ASTN2: variants seen among roughly 807,000 people sequenced by gnomAD.
ASTN2 encodes astrotactin-2.
In ASTN2, 54 loss-of-function variants were observed where a neutral mutation model predicts 139.8. The ratio of observed to expected loss-of-function variants is 0.39; its 90% CI spans 0.31 to 0.48. ASTN2 has a LOEUF of 0.48. Ranked by LOEUF, ASTN2 falls within the 20% of genes least tolerant of loss-of-function variation. The pLI is 0.95. For missense variants in ASTN2, 1,565 were observed against 1,725.1 expected (o/e 0.91, Z 1.64); for synonymous variants, 756 against 719.5 (o/e 1.05, Z -0.81).
At chr9:116,686,589 C>A in intron 16 of ASTN2, 1 of 1,139,082 alleles carries the variant, frequency 8.8e-7, no homozygotes, top group Non-Finnish European at 1.3e-6. Flanking sequence ...TTGCCAGATG[C>A]CTAGTGCCCC....
intron 14 of ASTN2, 139 bp from the exon 15 acceptor site, chr9:116,729,235 A>G (rs1828714251): frequency 7.8e-6 from 5 of 645,044 alleles, no homozygotes; most frequent in Non-Finnish European, 1.3e-5. Flanking sequence ...AATTTTATGA[A>G]CCCCACCCTC....
intron 13 of ASTN2, among the ~76,000 whole-genome samples, chr9:116,736,746 A>C (rs1205117443): frequency 6.6e-6 from 1 of 152,234 alleles, no homozygotes; most frequent in Non-Finnish European, 1.5e-5. Flanking sequence ...TCTGAAGGCA[A>C]ATCTATCATT....
At chr9:117,259,493 T>C (rs1218820252) in intron 2 of ASTN2, among the ~76,000 whole-genome samples, 4 of 152,142 alleles carry the variant, frequency 2.6e-5, no homozygotes, top group African/African-American at 9.7e-5. Flanking sequence ...GCACAGACCA[T>C]AGATCTAATA....
At chr9:116,475,376 G>T (rs1848945258) in intron 20 of ASTN2, among the ~76,000 whole-genome samples, 1 of 152,060 alleles carries the variant, frequency 6.6e-6, no homozygotes, top group South Asian at 2.1e-4. Context: ...ATGGCTTAGA[G>T]TTTGCCTCAT....
chr9:116,713,351 G>C (rs1828221786), intron 16 of ASTN2, among the ~76,000 whole-genome samples: 1 of 152,086 alleles, frequency 6.6e-6, no homozygotes, highest in African/African-American at 2.4e-5. Context: ...AAAGCCTGGG[G>C]CCTAGGGCTG....
intron 2 of ASTN2, among the ~76,000 whole-genome samples, chr9:117,270,071 C>T (rs1159798571): frequency 6.6e-6 from 1 of 152,088 alleles, no homozygotes; most frequent in African/African-American, 2.4e-5. Context: ...CCAAATTTGT[C>T]CACCTTTTAT....
intron 3 of ASTN2, among the ~76,000 whole-genome samples, chr9:117,156,592 C>A (rs1830438095): frequency 6.6e-6 from 1 of 151,970 alleles, no homozygotes; most frequent in African/African-American, 2.4e-5. Context: ...AAGGTAACAA[C>A]TATTATTTTA....
intron 2 of ASTN2, among the ~76,000 whole-genome samples, chr9:117,287,848 G>A (rs561071690): frequency 6.6e-6 from 1 of 152,246 alleles, no homozygotes; most frequent in South Asian, 2.1e-4. Flanking sequence ...TGGGTATTAG[G>A]CACCATTGTA....
chr9:116,686,040 C>T (rs1466782192), intron 16 of ASTN2, among the ~76,000 whole-genome samples: 1 of 152,148 alleles, frequency 6.6e-6, no homozygotes, highest in Non-Finnish European at 1.5e-5. Context: ...TTACCTCTCC[C>T]TTATCCCCTA....
At chr9:117,227,242 G>A (rs1832744618) in intron 2 of ASTN2, among the ~76,000 whole-genome samples, 1 of 152,164 alleles carries the variant, frequency 6.6e-6, no homozygotes. Context: ...TCCATCACCA[G>A]ATCTCTATTT....
intron 4 of ASTN2, among the ~76,000 whole-genome samples, chr9:117,119,986 T>TTGTGTGTGTGTG (rs1321670412): frequency 1.5e-4 from 12 of 79,904 alleles, no homozygotes; most frequent in Non-Finnish European, 2.2e-4. Context: ...CTCTATATAT[T>TTGTGTGTGTGTG]TGTATGTGTG....
chr9:117,124,147 C>T (rs528468192), intron 4 of ASTN2, among the ~76,000 whole-genome samples: 5 of 152,154 alleles, frequency 3.3e-5, no homozygotes, highest in African/African-American at 7.2e-5. Context: ...AGGCTTCTTC[C>T]AGCTTAGCTA....
chr9:116,581,076 A>G (rs1853930657), intron 19 of ASTN2, among the ~76,000 whole-genome samples: 1 of 152,106 alleles, frequency 6.6e-6, no homozygotes, highest in Non-Finnish European at 1.5e-5. Flanking sequence ...AATGAGCCTT[A>G]GTGTTCTCAG....
intron 2 of ASTN2, among the ~76,000 whole-genome samples, chr9:117,218,390 G>A (rs1832403488): frequency 6.6e-6 from 1 of 152,184 alleles, no homozygotes; most frequent in Non-Finnish European, 1.5e-5. Context: ...TGACCACGTG[G>A]TTTCCGTTAC....
chr9:117,260,300 G>T (rs375178271), intron 2 of ASTN2, among the ~76,000 whole-genome samples: 7 of 152,060 alleles, frequency 4.6e-5, no homozygotes, highest in Non-Finnish European at 8.8e-5. Flanking sequence ...AGGGCAAAAG[G>T]GTTATTATTA....
rs1410011173 is a variant in ASTN2, at chr9:116,933,978, CCTTT to C, written c.1889+41226_1889+41229del. ...GACCTCAGTTGTGCGAAGTGTTAGT[CCTTT>C]TTTTTTTTTTTTTTTTTTTTCTGGA... is the stretch of plus-strand genomic sequence containing the variant. On this transcript the variant is annotated intron_variant, in intron 10 of 22. Coordinates refer to ENST00000313400, the MANE Select transcript of ASTN2 (RefSeq NM_001365068.1). Among the ~76,000 whole-genome samples, 14 of 30,752 alleles carry C rather than the reference CCTTT, an allele frequency of 4.6e-4. 1 individual carries two copies. The highest frequency in any genetic ancestry group is 1.4e-3 in the East Asian group (1 of 730). 20.2% of individuals were successfully genotyped at this position (30,752 alleles called of 152,430 possible). A position where few individuals can be genotyped will look rare whatever the true frequency, so the allele number is the denominator to read the frequency against.
intron 19 of ASTN2, among the ~76,000 whole-genome samples, chr9:116,490,644 C>A (rs1297215709): frequency 6.6e-6 from 1 of 152,156 alleles, no homozygotes; most frequent in African/African-American, 2.4e-5. Flanking sequence ...GAAGGCACCT[C>A]TTCACAGGGT....
intron 2 of ASTN2, among the ~76,000 whole-genome samples, chr9:117,257,686 T>C (rs954551694): frequency 6.6e-6 from 1 of 152,222 alleles, no homozygotes; most frequent in Non-Finnish European, 1.5e-5. Context: ...AAAATAGAGA[T>C]GCTGAATGTT....
In ASTN2 at chr9:117,008,093, G is replaced by A. The variant is rs761405388; in HGVS notation, c.1590C>T (p.Thr530=). 31 of 1,586,542 alleles carry A rather than the reference G, an allele frequency of 2.0e-5. No homozygotes were observed. The highest frequency in any genetic ancestry group is 1.7e-4 in the Middle Eastern group (1 of 5,952). The change falls in exon 7 of 23, where the codon ACC becomes ACT. Residue 530 remains threonine (T), a splice_region_variant and synonymous_variant. Coordinates refer to ENST00000313400, the MANE Select transcript of ASTN2 (RefSeq NM_001365068.1). The part of the protein sequence containing the change: ...DACEQLCDPE[T]GECSCHEGYA... ...CCCATCCCGGCTCCCATGGCTCACC[G>A]GTTTCTGGGTCGCAGAGCTGCTCAC...
Sources: allele counts gnomAD v4.1 joint callset (sites outside exome capture counted in the v4.1 genomes callset), GRCh38; gene constraint gnomAD v4.1.1; transcripts MANE v1.5; gene names NCBI Gene and HGNC (gene_info 2026-07-23, HGNC 2026-07-21).